The following TRPM3 variants were observed in gnomAD, a reference collection of about 807,000 sequenced individuals.
TRPM3 encodes transient receptor potential cation channel subfamily M member 3.
A neutral mutation model predicts 181.2 loss-of-function variants in TRPM3; 77 were observed. That is an observed-to-expected ratio of 0.42 (90% CI 0.35 to 0.51). TRPM3 has a LOEUF of 0.51. TRPM3 is among the 20% of genes least tolerant of loss of function. The probability of loss-of-function intolerance (pLI) is 0.01; values close to 1 mark genes in which losing one functional copy is unlikely to be tolerated. For missense variants in TRPM3, 1,759 were observed against 2,196.7 expected, an observed-to-expected ratio of 0.80 and a Z score of 3.98; for synonymous variants, 745 against 796.4, an observed-to-expected ratio of 0.94 and a Z score of 1.09.
At chr9:70,842,774 G>A in intron 5 of TRPM3, 1 of 471,046 alleles carries the variant, frequency 2.1e-6, no homozygotes, top group East Asian at 3.1e-5. Context: ...GGGGTAGGTG[G>A]TAAGTCTTAC....
At chr9:70,831,990 T>C (rs1208524304) in intron 5 of TRPM3, among the ~76,000 whole-genome samples, 7 of 125,204 alleles carry the variant, frequency 5.6e-5, no homozygotes, top group African/African-American at 2.1e-4. Flanking sequence ...TATATATATA[T>C]ATATATACCT....
intron 3 of TRPM3, among the ~76,000 whole-genome samples, chr9:70,861,837 A>G (rs983396246): frequency 2.0e-5 from 3 of 150,412 alleles, no homozygotes; most frequent in Admixed American, 6.6e-5. Context: ...ATCGTTCAGA[A>G]ATGGTTTTAA....
intron 18 of TRPM3, among the ~76,000 whole-genome samples, chr9:70,613,035 C>A (rs756757497): frequency 2.0e-5 from 3 of 152,142 alleles, no homozygotes; most frequent in Non-Finnish European, 4.4e-5. Flanking sequence ...AGACATTTAA[C>A]CAGCACTGCA....
At chr9:70,921,094 A>G (rs929049105) in intron 1 of TRPM3, among the ~76,000 whole-genome samples, 2 of 152,154 alleles carry the variant, frequency 1.3e-5, no homozygotes, top group Non-Finnish European at 2.9e-5. Flanking sequence ...AAGCAGATTC[A>G]TTTATCTCAT....
chr9:70,904,389 G>T (rs566593774), intron 1 of TRPM3, among the ~76,000 whole-genome samples: 1 of 152,268 alleles, frequency 6.6e-6, no homozygotes, highest in African/African-American at 2.4e-5. Flanking sequence ...CAACTCAGGT[G>T]CTCATTCTGC....
intron 1 of TRPM3, among the ~76,000 whole-genome samples, chr9:70,988,313 T>C (rs919770594): frequency 6.6e-6 from 1 of 152,200 alleles, no homozygotes; most frequent in African/African-American, 2.4e-5. Flanking sequence ...ACTCTTAAGT[T>C]TGAAATCTTG....
chr9:71,015,705 A>G (rs1417182393), intron 1 of TRPM3, among the ~76,000 whole-genome samples: 1 of 152,168 alleles, frequency 6.6e-6, no homozygotes, highest in Non-Finnish European at 1.5e-5. Context: ...TGATAATCCA[A>G]AACGTTCTTT....
intron 1 of TRPM3, among the ~76,000 whole-genome samples, chr9:70,964,381 T>C (rs900830674): frequency 2.0e-5 from 3 of 152,078 alleles, no homozygotes; most frequent in Non-Finnish European, 4.4e-5. Context: ...GCTTAAAAAC[T>C]ATGAGACATT....
intron 8 of TRPM3, among the ~76,000 whole-genome samples, chr9:70,739,832 G>T (rs2073632229): frequency 1.3e-5 from 2 of 152,188 alleles, no homozygotes; most frequent in East Asian, 1.9e-4. Context: ...TGGCTAGGCT[G>T]GTCTCGAACT....
chr9:71,142,708 T>G (rs919704792), intron 1 of TRPM3, among the ~76,000 whole-genome samples: 2 of 146,700 alleles, frequency 1.4e-5, no homozygotes, highest in Non-Finnish European at 3.0e-5. Flanking sequence ...TTTAAAAAAT[T>G]TGCATGACAA....
chr9:70,948,785 A>G (rs927631973), intron 1 of TRPM3, among the ~76,000 whole-genome samples: 2 of 152,206 alleles, frequency 1.3e-5, no homozygotes, highest in Non-Finnish European at 2.9e-5. Context: ...ACAACATGAC[A>G]TTGGACCTGG....
At chr9:71,211,867 T>A (rs1467607007) in intron 1 of TRPM3, among the ~76,000 whole-genome samples, 1 of 152,216 alleles carries the variant, frequency 6.6e-6, no homozygotes, top group Non-Finnish European at 1.5e-5. Context: ...TCTGAGGTAC[T>A]GTGGGTTAGG....
intron 1 of TRPM3, among the ~76,000 whole-genome samples, chr9:71,116,807 T>A (rs1377103718): frequency 1.3e-5 from 2 of 152,172 alleles, no homozygotes; most frequent in African/African-American, 4.8e-5. Flanking sequence ...AGGCAGGGTA[T>A]ATAACAAAAA....
intron 1 of TRPM3, among the ~76,000 whole-genome samples, chr9:70,976,446 G>C (rs1456747575): frequency 2.0e-5 from 3 of 152,216 alleles, no homozygotes; most frequent in African/African-American, 7.2e-5. Context: ...GGAGTAAAGA[G>C]ATGCAAAAGA....
chr9:70,767,203 C>T (rs1415798861), intron 7 of TRPM3, among the ~76,000 whole-genome samples: 4 of 152,174 alleles, frequency 2.6e-5, no homozygotes, highest in Non-Finnish European at 5.9e-5. Context: ...AACTTTCCCA[C>T]TTTAGAGAGG....
intron 8 of TRPM3, among the ~76,000 whole-genome samples, chr9:70,688,407 G>A (rs779892812): frequency 6.6e-6 from 1 of 152,150 alleles, no homozygotes; most frequent in Non-Finnish European, 1.5e-5. Flanking sequence ...CATCCGAGCA[G>A]TGTACATTGT....
At chr9:71,247,278 T>A (rs903997067) in intron 1 of TRPM3, among the ~76,000 whole-genome samples, 1 of 137,164 alleles carries the variant, frequency 7.3e-6, no homozygotes, top group Non-Finnish European at 1.5e-5. Context: ...CGCTTGAACC[T>A]GGGAGGTGGG....
intron 1 of TRPM3, among the ~76,000 whole-genome samples, chr9:70,896,470 T>C (rs1355886023): frequency 6.6e-6 from 1 of 152,170 alleles, no homozygotes; most frequent in Non-Finnish European, 1.5e-5. Flanking sequence ...ATAAGTGCCA[T>C]ATCTTCAATT....
chr9:70,758,727 G>C (rs543528586), intron 8 of TRPM3, among the ~76,000 whole-genome samples: 40 of 152,254 alleles, frequency 2.6e-4, no homozygotes, highest in Non-Finnish European at 5.0e-4. Flanking sequence ...ACAAGCAATG[G>C]GGAAAGGATT....
Sources: gnomAD v4.1 joint callset for allele counts (sites outside exome capture counted in the v4.1 genomes callset) on GRCh38, gnomAD v4.1.1 for gene constraint, MANE v1.5 for transcripts, NCBI Gene and HGNC (gene_info 2026-07-23, HGNC 2026-07-21) for gene names.